Variants in POLR1C observed in about 807,000 individuals in gnomAD.
POLR1C encodes the protein RNA polymerase I and III subunit C.
POLR1C carries 42 observed loss-of-function variants against 38.3 expected under a neutral mutation model. That is an observed-to-expected ratio of 1.10 (90% confidence interval 0.86 to 1.42). POLR1C has a LOEUF of 1.42. Ranked by LOEUF, POLR1C falls within the 40% of genes most tolerant of loss-of-function variation. The probability of loss-of-function intolerance (pLI) is 0.00; values close to 1 mark genes in which losing one functional copy is unlikely to be tolerated. For synonymous variants in POLR1C, 163 were observed against 163.9 expected, an observed-to-expected ratio of 0.99 and a Z score of 0.04; for missense variants, 507 against 450.5, an observed-to-expected ratio of 1.13 and a Z score of -1.14.
chr6:43,554,437 CTTTT>C lies in POLR1C; in HGVS notation c.*48+3429_*48+3432del, dbSNP rs568156476. 6.4e-3 allele frequency among the ~76,000 whole-genome samples: 616 copies of C among 96,730 alleles called. 4 individuals carry two copies. Among genetic ancestry groups the C allele is most frequent in the African/African-American group, 0.022 (563 of 25,890 alleles). The allele number at this position is 96,730 out of a possible 152,430, so 63.5% of individuals were successfully genotyped here. A position where few individuals can be genotyped will look rare whatever the true frequency, so the allele number is the denominator to read the frequency against. Reference sequence around the variant, plus strand: ...CTTTTCTTTTCTTTTTTTTTTTTTTCTTTTTTGAGATGGAGTCCCGCTCTTTGCC... The same window carrying C: ...CTTTTCTTTTCTTTTTTTTTTTTTTCTTGAGATGGAGTCCCGCTCTTTGCC... On this transcript the variant is annotated intron_variant, in intron 10 of 10. Coordinates refer to the POLR1C transcript ENST00000607635.
At chr6:43,553,410 C>T in intron 10 of POLR1C, 1 of 1,606,892 alleles carries the variant, frequency 6.2e-7, no homozygotes, top group African/African-American at 1.3e-5. Context: ...GGTGATAACA[C>T]TTTCCAAAAA....
rs1190650497 is a variant in POLR1C, at chr6:43,560,071, A to AG, written c.*49-1328dup. ...TGGGCTCAAGCGATCCTCCCGCCTC[A>AG]GCCTTCCATAGAGCTGGGATTATAG... On this transcript the variant is annotated intron_variant, in intron 10 of 10. Coordinates refer to the POLR1C transcript ENST00000607635. 5 of 1,368,042 alleles carry AG rather than the reference A, an allele frequency of 3.7e-6. No homozygotes were observed. In the African/African-American group the frequency reaches 7.2e-5, roughly 20 times the overall value. The allele number at this position is 1,368,042 out of a possible 1,614,324, so 84.7% of individuals were successfully genotyped here. A position where few individuals can be genotyped will look rare whatever the true frequency, so the allele number is the denominator to read the frequency against.
In POLR1C at chr6:43,519,393, A is replaced by G; in HGVS notation, c.202A>G (p.Ile68Val). The change falls in exon 3 of 9, where the codon ATT becomes GTT. Residue 68 changes from isoleucine (I) to valine (V), a missense_variant. Ile to Val is a conservative substitution (Grantham distance 29, BLOSUM62 3). Coordinates refer to ENST00000642195, the MANE Select transcript of POLR1C (RefSeq NM_203290.4). ...ENSLEFDMVG[I>V]DAAIANAFRR... ...CTCACTGGAGTTTGACATGGTGGGA[A>G]TTGACGCAGCCATTGCCAATGCTTT... 6.2e-7 allele frequency: 1 copy of G among 1,614,010 alleles called. No individual in the cohort carries two copies. The highest frequency in any genetic ancestry group is 8.5e-7 in the Non-Finnish European group (1 of 1,179,900).
rs573474333 is a variant in POLR1C, at chr6:43,527,742, C to T, written c.923-1507C>T. The T allele has an allele frequency of 7.4e-6, 12 of 1,613,832 alleles. No homozygotes were observed. In the South Asian group the frequency reaches 1.1e-4, roughly 15 times the overall value. On this transcript the variant is annotated intron_variant, in intron 8 of 8. Transcript: ENST00000304004. ...GCCTCATCTTCTCCACTGCAGAAAA[C>T]CAGGGGGCCAAGTTCCACAGGAGTG... is the stretch of plus-strand genomic sequence containing the variant.
chr6:43,522,741 G>A (rs1057198013), downstream of POLR1C: 1 of 497,068 alleles, frequency 2.0e-6, no homozygotes, highest in Non-Finnish European at 4.2e-6. Context: ...TGGACAACAG[G>A]TCTGTTTTTG....
At chr6:43,557,783 TAA>T (rs59661301) in intron 10 of POLR1C, among the ~76,000 whole-genome samples, 11,009 of 87,240 alleles carry the variant, frequency 0.13, 688 homozygotes, top group African/African-American at 0.19. Flanking sequence ...AATAAAGCTG[TAA>T]AAAAAAAAAA....
At chr6:43,522,124 C>G (rs1475188998), downstream of POLR1C, among the ~76,000 whole-genome samples, 2 of 152,216 alleles carry the variant, frequency 1.3e-5, no homozygotes, top group Non-Finnish European at 2.9e-5. Flanking sequence ...AGCAGCCACA[C>G]ACGAAAGACA....
At chr6:43,519,279 G>GAGATATTAC in intron 2 of POLR1C, 54 bp from the exon 3 acceptor site, 1 of 1,078,268 alleles carries the variant, frequency 9.3e-7, no homozygotes, top group Non-Finnish European at 1.4e-6. Context: ...GAGGTATGAA[G>GAGATATTAC]AGATATTACA....
rs769410222 is a variant in POLR1C, at chr6:43,520,164, G to C, written c.481G>C (p.Glu161Gln). The C allele has an allele frequency of 6.2e-7, 1 of 1,614,176 alleles. No individual in the cohort carries two copies. Among genetic ancestry groups the C allele is most frequent in the Non-Finnish European group, 8.5e-7 (1 of 1,180,048 alleles). ...TGCTAAAGATTCCTCTGACCCCAAC[G>C]AACTGTACGTGAACCACAAAGGTGA... ...HAAKDSSDPN[E>Q]LYVNHKVYTR... Residue 161 changes from glutamate (E) to glutamine (Q), a missense_variant, in exon 5 of 9, where the codon GAA (glutamate) becomes CAA (glutamine). Coordinates refer to ENST00000642195, the MANE Select transcript of POLR1C (RefSeq NM_203290.4).
At position 43,551,426 on chromosome 6, in the gene POLR1C, G is replaced by C. The variant is rs199686881; in HGVS notation, c.*48+415G>C. On this transcript the variant is annotated intron_variant, in intron 10 of 10. Coordinates refer to the POLR1C transcript ENST00000607635. ...TCAAAGTTCAGAACCATCTGCAATA[G>C]CTCTATTCCATCATTAACAGGAATT... The C allele has an allele frequency of 8.1e-6, 13 of 1,613,658 alleles. No individual in the cohort carries two copies. In the African/African-American group the frequency reaches 1.2e-4, roughly 15 times the overall value.
At chr6:43,541,643 T>A (rs147161152) in intron 9 of POLR1C, among the ~76,000 whole-genome samples, 66 of 147,114 alleles carry the variant, frequency 4.5e-4, no homozygotes, top group African/African-American at 1.6e-3. Context: ...TCTCTAGATA[T>A]TTCATAAAAA....
In POLR1C at chr6:43,519,834, C is replaced by G; in HGVS notation, c.378C>G (p.Asn126Lys). Residue 126 changes from asparagine (N) to lysine (K), a missense_variant, in exon 4 of 9, where the codon AAC (asparagine) becomes AAG (lysine). Physicochemically the swap from Asn to Lys is moderately conservative, Grantham distance 94. Coordinates refer to ENST00000642195, the MANE Select transcript of POLR1C (RefSeq NM_203290.4). The part of the protein sequence containing the change: ...HADPRLFEYR[N>K]QGDEEGTEID... ...ATCCCCGTCTTTTTGAGTATCGGAA[C>G]CAAGGTGAGAAAATGAAATTTTGGG... The G allele has an allele frequency of 6.2e-7, 1 of 1,613,926 alleles. No homozygotes were observed. The highest frequency in any genetic ancestry group is 8.5e-7 in the Non-Finnish European group (1 of 1,179,962).
chr6:43,538,139 CTTTTTTTTTTTTTT>C lies in POLR1C; in HGVS notation c.*4+8795_*4+8808del, dbSNP rs1160662301. On this transcript the variant is annotated intron_variant, in intron 9 of 10. Coordinates refer to the POLR1C transcript ENST00000607635. ...TATAAATTTAGAGCCTAAGAGACAT[CTTTTTTTTTTTTTT>C]TTTTTTTTTTTTTTGAAACAGAGAT... 6.0e-3 allele frequency among the ~76,000 whole-genome samples: 296 copies of C among 48,998 alleles called. 1 individual carries two copies. Among genetic ancestry groups the C allele is most frequent in the Non-Finnish European group, 8.3e-3 (245 of 29,380 alleles). 32.1% of individuals were successfully genotyped at this position (48,998 alleles called of 152,430 possible).
At chr6:43,556,386 G>T (rs557081210) in intron 10 of POLR1C, among the ~76,000 whole-genome samples, 2 of 152,030 alleles carry the variant, frequency 1.3e-5, no homozygotes, top group South Asian at 4.2e-4. Context: ...GTAGCCAGGT[G>T]TGGTGGCATG....
chr6:43,525,786 G>A (rs1793546822), downstream of POLR1C: 1 of 1,572,118 alleles, frequency 6.4e-7, no homozygotes, highest in Non-Finnish European at 8.7e-7. Context: ...AAAGTAAAAG[G>A]TGACTCCCCA....
At chr6:43,523,670 A>G (rs1453190992), downstream of POLR1C, 2 of 878,058 alleles carry the variant, frequency 2.3e-6, no homozygotes, top group South Asian at 2.6e-5. Flanking sequence ...TTAAGCCCTA[A>G]CTCCCTTTCT....
rs1429093990 is a variant in POLR1C, at chr6:43,520,371, C to G, written c.599C>G (p.Ala200Gly). The G allele has an allele frequency of 6.2e-7, 1 of 1,613,912 alleles. No homozygotes were observed. Among genetic ancestry groups the G allele is most frequent in the Admixed American group, 1.7e-5 (1 of 60,034 alleles). ...CCAGTGCATGATGATATCCTCATCG[C>G]TCAGCTGCGGCCTGGCCAAGAAATT... ...IRPVHDDILI[A>G]QLRPGQEIDL... Residue 200 changes from alanine (A) to glycine (G), a missense_variant, in exon 6 of 9, where the codon GCT (alanine) becomes GGT (glycine). Physicochemically the swap from Ala to Gly is moderately conservative, Grantham distance 60. Transcript: ENST00000642195.
downstream of POLR1C, chr6:43,522,745 GT>G: frequency 2.0e-6 from 1 of 495,858 alleles, no homozygotes; most frequent in Non-Finnish European, 4.2e-6. Flanking sequence ...CAACAGGTCT[GT>G]TTTTGTGCAG....
intron 9 of POLR1C, among the ~76,000 whole-genome samples, chr6:43,535,382 G>C (rs1794252321): frequency 6.6e-6 from 1 of 151,900 alleles, no homozygotes; most frequent in Non-Finnish European, 1.5e-5. Context: ...CTGAGGTCAG[G>C]AGTTCAAGAC....
Sources: allele counts gnomAD v4.1 joint callset (sites outside exome capture counted in the v4.1 genomes callset), GRCh38; gene constraint gnomAD v4.1.1; transcripts MANE v1.5; gene names NCBI Gene and HGNC (gene_info 2026-07-23, HGNC 2026-07-21).